NDUFA12: variants seen among roughly 807,000 people sequenced by gnomAD.
The protein encoded by NDUFA12 is NADH:ubiquinone oxidoreductase subunit A12, also known as NADH dehydrogenase [ubiquinone] 1 alpha subcomplex subunit 12.
A neutral mutation model predicts 20.3 loss-of-function variants in NDUFA12; 17 were observed. The ratio of observed to expected loss-of-function variants is 0.84; its 90% CI spans 0.57 to 1.26. NDUFA12 has a LOEUF of 1.26. Ranked by LOEUF, NDUFA12 falls within the 50% of genes most tolerant of loss-of-function variation. The probability of loss-of-function intolerance (pLI) is 0.00; values close to 1 mark genes in which losing one functional copy is unlikely to be tolerated. For missense variants in NDUFA12, 191 were observed against 183.7 expected (o/e 1.04, Z -0.23); for synonymous variants, 72 against 63.6 (o/e 1.13, Z -0.63).
At chr12:94,989,704 T>G (rs1874572750) in intron 3 of NDUFA12, among the ~76,000 whole-genome samples, 1 of 152,262 alleles carries the variant, frequency 6.6e-6, no homozygotes, top group Non-Finnish European at 1.5e-5. Flanking sequence ...CTTCTACAGC[T>G]CTTAGCTTCA....
Position 94,994,090 on chromosome 12 carries a change from C to T in NDUFA12, c.257+80G>A. ...CATGAGTCATGATCATGTCACTGCA[C>T]TCCAGCCTGGGTGACAGAGTGAGAC... is the stretch of plus-strand genomic sequence containing the variant. On this transcript the variant is annotated intron_variant, in intron 3 of 3. Coordinates refer to ENST00000327772, the MANE Select transcript of NDUFA12 (RefSeq NM_018838.5). 3.1e-6 allele frequency: 4 copies of T among 1,307,852 alleles called. No homozygotes were observed. The South Asian group carries it at 4.9e-5, about 16-fold the overall frequency. The allele number at this position is 1,307,852 out of a possible 1,614,324, so 81.0% of individuals were successfully genotyped here. A position where few individuals can be genotyped will look rare whatever the true frequency, so the allele number is the denominator to read the frequency against.
At chr12:94,981,490 C>G (rs899097290) in intron 3 of NDUFA12, among the ~76,000 whole-genome samples, 3 of 152,156 alleles carry the variant, frequency 2.0e-5, no homozygotes, top group African/African-American at 7.2e-5. Context: ...TAAATACTTT[C>G]AGGGTATTCT....
At chr12:94,987,730 G>A (rs995960489) in intron 3 of NDUFA12, among the ~76,000 whole-genome samples, 1 of 145,394 alleles carries the variant, frequency 6.9e-6, no homozygotes, top group African/African-American at 2.5e-5. Context: ...GAGCCCAGGA[G>A]GTCGAGGCTG....
At chr12:94,981,403 G>A (rs1874236556) in intron 3 of NDUFA12, among the ~76,000 whole-genome samples, 1 of 152,176 alleles carries the variant, frequency 6.6e-6, no homozygotes, top group African/African-American at 2.4e-5. Flanking sequence ...AGCCAAGATC[G>A]CACCACTGAA....
chr12:94,990,967 A>T (rs1265353269), intron 3 of NDUFA12, among the ~76,000 whole-genome samples: 2 of 152,096 alleles, frequency 1.3e-5, no homozygotes, highest in Non-Finnish European at 2.9e-5. Flanking sequence ...AAATGTCCTC[A>T]GTTGCATTAT....
chr12:95,000,854 T>A (rs2136073678), intron 2 of NDUFA12, among the ~76,000 whole-genome samples: 1 of 152,380 alleles, frequency 6.6e-6, no homozygotes, highest in South Asian at 2.1e-4. Flanking sequence ...TATAGGTTTA[T>A]ATCATTCTTA....
chr12:94,975,209 T>A (rs756121280), intron 3 of NDUFA12, among the ~76,000 whole-genome samples: 12 of 152,000 alleles, frequency 7.9e-5, no homozygotes, highest in Admixed American at 2.0e-4. Flanking sequence ...ATAAACAGGA[T>A]TAAAGACTAA....
chr12:94,985,002 C>CATAAG (rs140889669), intron 3 of NDUFA12, among the ~76,000 whole-genome samples: 1 of 134,812 alleles, frequency 7.4e-6, no homozygotes, highest in Non-Finnish European at 1.6e-5. Flanking sequence ...CATAACATAA[C>CATAAG]ATAAAATAAG....
At chr12:94,971,935 CTTTT>C (rs1565811755) in intron 3 of NDUFA12, 2 of 437,944 alleles carry the variant, frequency 4.6e-6, no homozygotes, top group Non-Finnish European at 8.5e-6. Flanking sequence ...TTCTTTCTTT[CTTTT>C]GGAGACAGGG....
intron 3 of NDUFA12, among the ~76,000 whole-genome samples, chr12:94,990,735 T>C (rs1021238030): frequency 7.9e-5 from 12 of 152,068 alleles, no homozygotes; most frequent in Non-Finnish European, 1.6e-4. Context: ...CAAGCCCCAG[T>C]GAGCTTTTAA....
chr12:94,993,760 A>C (rs9739952), intron 3 of NDUFA12, among the ~76,000 whole-genome samples: 59,081 of 150,162 alleles, frequency 0.39, 12,179 homozygotes, highest in East Asian at 0.58. Flanking sequence ...CACAGTGAAA[A>C]CCTGTCTGTA....
intron 2 of NDUFA12, among the ~76,000 whole-genome samples, chr12:94,995,654 C>T (rs940357655): frequency 7.2e-6 from 1 of 139,616 alleles, no homozygotes; most frequent in South Asian, 2.3e-4. Context: ...CTGCCTCAGC[C>T]TCCCGAGTAG....
intron 3 of NDUFA12, among the ~76,000 whole-genome samples, chr12:94,985,159 T>TA (rs1448669937): frequency 2.6e-5 from 4 of 151,814 alleles, no homozygotes; most frequent in Middle Eastern, 3.4e-3. Context: ...TGTGTTTTTA[T>TA]AAAAAAAATT....
At chr12:94,989,837 C>T (rs1307762502) in intron 3 of NDUFA12, among the ~76,000 whole-genome samples, 1 of 152,102 alleles carries the variant, frequency 6.6e-6, no homozygotes, top group Non-Finnish European at 1.5e-5. Context: ...AAATCACACC[C>T]CTACCCCTCA....
At chr12:94,974,145 T>A (rs938748501) in intron 3 of NDUFA12, among the ~76,000 whole-genome samples, 22 of 151,964 alleles carry the variant, frequency 1.4e-4, no homozygotes, top group African/African-American at 5.3e-4. Flanking sequence ...CTAATTTTTT[T>A]ATTTTTAGTA....
chr12:94,989,055 C>A lies in NDUFA12; in HGVS notation c.257+5115G>T, dbSNP rs375035934. 7.9e-5 allele frequency among the ~76,000 whole-genome samples: 12 copies of A among 152,300 alleles called. No homozygotes were observed. The South Asian group carries it at 1.7e-3, about 21-fold the overall frequency. ...AAGCAATACATCTCAAACATACAGG[C>A]TTTGCACCTGTGGTTCCCTCTGCCT... On this transcript the variant is annotated intron_variant, in intron 3 of 3. Transcript: ENST00000327772.
chr12:94,985,380 G>C (rs138915901), intron 3 of NDUFA12, among the ~76,000 whole-genome samples: 2 of 151,080 alleles, frequency 1.3e-5, no homozygotes, highest in Admixed American at 6.6e-5. Flanking sequence ...ATCCCAGCAC[G>C]TTGGGAGGCC....
chr12:95,002,604 C>G, intron 2 of NDUFA12, 135 bp downstream of exon 2: 1 of 719,746 alleles, frequency 1.4e-6, no homozygotes, highest in Admixed American at 2.5e-5. Flanking sequence ...TGTAAATTAT[C>G]TTTTTTCATT....
Position 94,971,624 on chromosome 12 carries a change from A to T in NDUFA12, c.258-4T>A, listed in dbSNP as rs752381137. 2 of 1,614,044 alleles carry T rather than the reference A, an allele frequency of 1.2e-6. No individual in the cohort carries two copies. The highest frequency in any genetic ancestry group is 1.7e-6 in the Non-Finnish European group (2 of 1,180,024). ...CATACTGTGAAGCCAACGATGCCTT[A>T]AAGAGGGGAAAAAACCCAAACAGTT... is the stretch of plus-strand genomic sequence containing the variant. On this transcript the variant is annotated splice_region_variant and splice_polypyrimidine_tract_variant and intron_variant, in intron 3 of 3. Coordinates refer to ENST00000327772, the MANE Select transcript of NDUFA12 (RefSeq NM_018838.5).
Sources: gnomAD v4.1 joint callset for allele counts (sites outside exome capture counted in the v4.1 genomes callset) on GRCh38, gnomAD v4.1.1 for gene constraint, MANE v1.5 for transcripts, NCBI Gene and HGNC (gene_info 2026-07-23, HGNC 2026-07-21) for gene names.